CAMTA1: variants seen among roughly 807,000 people sequenced by gnomAD.
CAMTA1 encodes calmodulin binding transcription activator 1, also known as calmodulin-binding transcription activator 1.
Under a neutral mutation model 170.9 loss-of-function variants are expected in CAMTA1, and 27 were observed. That is an observed-to-expected ratio of 0.16 (90% confidence interval 0.12 to 0.22). The LOEUF is 0.22. Among genes scored for constraint, CAMTA1 ranks in the 10% least tolerant of loss-of-function variants. CAMTA1 has a pLI of 1.00. For missense variants in CAMTA1, 1,619 were observed against 2,217.2 expected, an observed-to-expected ratio of 0.73 and a Z score of 5.42; for synonymous variants, 833 against 891.5, an observed-to-expected ratio of 0.93 and a Z score of 1.17.
chr1:7,221,051 C>T (rs1345221118), intron 4 of CAMTA1, among the ~76,000 whole-genome samples: 11 of 152,170 alleles, frequency 7.2e-5, no homozygotes, highest in Admixed American at 7.2e-4. Context: ...GGGCAGCAAG[C>T]ACCGAAGGCC....
chr1:7,596,460 G>C (rs190406557), intron 6 of CAMTA1, among the ~76,000 whole-genome samples: 1 of 152,328 alleles, frequency 6.6e-6, no homozygotes, highest in Admixed American at 6.5e-5. Flanking sequence ...TGTGTGTCCT[G>C]TGCTGGCCGC....
At chr1:6,897,688 C>T (rs1400859198) in intron 3 of CAMTA1, among the ~76,000 whole-genome samples, 1 of 152,118 alleles carries the variant, frequency 6.6e-6, no homozygotes, top group Non-Finnish European at 1.5e-5. Context: ...GTTTGACACA[C>T]ATTCAGTATA....
chr1:7,317,166 G>C (rs1209156572), intron 5 of CAMTA1, among the ~76,000 whole-genome samples: 1 of 152,214 alleles, frequency 6.6e-6, no homozygotes, highest in Non-Finnish European at 1.5e-5. Context: ...CTAGGATGGG[G>C]AAGGGACCAC....
chr1:7,526,981 T>C lies in CAMTA1; in HGVS notation c.510+59080T>C, dbSNP rs530388536. ...AGAAAGCAGCCTTTCCAACAGGGAC[T>C]TTGACTGCTGAGAAGGTCTCTCCAC... On this transcript the variant is annotated intron_variant, in intron 6 of 22. Transcript: ENST00000303635. 3.3e-5 allele frequency among the ~76,000 whole-genome samples: 5 copies of C among 152,314 alleles called. No homozygotes were observed. The South Asian group carries it at 1.0e-3, about 32-fold the overall frequency.
In CAMTA1 at chr1:7,248,687, G is replaced by A. The variant is rs779522716; in HGVS notation, c.303-804G>A. Among the ~76,000 whole-genome samples, 6 of 152,084 alleles carry A rather than the reference G, an allele frequency of 3.9e-5. No individual in the cohort carries two copies. The highest frequency in any genetic ancestry group is 6.5e-5 in the Admixed American group (1 of 15,284). Reference sequence around the variant, plus strand: ...GACCACCGCATCTGCAGATATGCACGTCATCAGCCTCTCCTCTCTGTGGTG... The same window carrying A: ...GACCACCGCATCTGCAGATATGCACATCATCAGCCTCTCCTCTCTGTGGTG... On this transcript the variant is annotated intron_variant, in intron 4 of 22. Transcript: ENST00000303635. The surrounding 1 kb of genome is among the most constrained non-coding windows in gnomAD (Gnocchi z 4.0).
At position 7,670,966 on chromosome 1, in the gene CAMTA1, G is replaced by A; in HGVS notation, c.2708G>A (p.Ser903Asn). The A allele has an allele frequency of 1.2e-6, 2 of 1,613,834 alleles. No homozygotes were observed. The highest frequency in any genetic ancestry group is 1.7e-6 in the Non-Finnish European group (2 of 1,179,978). The change falls in exon 10 of 23, where the codon AGC (serine) becomes AAC (asparagine). Residue 903 changes from serine (S) to asparagine (N), a missense_variant. By Grantham distance (46) the Ser-to-Asn change is conservative (BLOSUM62 1). This residue lies in a region of CAMTA1 where 29 missense variants were observed against 70.9 expected (regional missense o/e 0.41). Transcript: ENST00000303635. ...GPWQEASNNY[S>N]CLFDQISVPA... ...TGGCAAGAAGCCAGCAATAACTACA[G>A]CTGCCTGTTTGACCAGATCTCAGTG... is the stretch of plus-strand genomic sequence containing the variant.
chr1:6,922,558 C>T (rs755292629), intron 3 of CAMTA1, among the ~76,000 whole-genome samples: 6 of 152,172 alleles, frequency 3.9e-5, no homozygotes, highest in Admixed American at 2.6e-4. Context: ...TTCAGCATGA[C>T]GGCTGCAGGA....
chr1:7,677,394 C>T (rs1211474259), intron 10 of CAMTA1, among the ~76,000 whole-genome samples: 1 of 152,202 alleles, frequency 6.6e-6, no homozygotes, highest in East Asian at 1.9e-4. Context: ...CACAGGACAG[C>T]TGGCTGAGTC....
intron 3 of CAMTA1, among the ~76,000 whole-genome samples, chr1:6,979,667 G>A (rs965847837): frequency 6.6e-6 from 1 of 152,180 alleles, no homozygotes; most frequent in Admixed American, 6.5e-5. Flanking sequence ...ACACTTAGAG[G>A]CGTTCTTAGA....
rs781631558 is a variant in CAMTA1, at chr1:7,677,679, G to A, written c.2860G>A (p.Ala954Thr). The change falls in exon 11 of 23, where the codon GCC (alanine) becomes ACC (threonine). Residue 954 changes from alanine to threonine, a missense_variant. Around this residue, in one of 8 missense-constraint regions of CAMTA1, gnomAD observed 143 missense variants for 184.2 expected, o/e 0.78. Transcript: ENST00000303635. ...CAACTCGGTGGTGTTTGAGTACAAA[G>A]CCCGGGCTCTGCCCACGCTCCCTTC... ...ISNSVVFEYK[A>T]RALPTLPSSQ... 6 of 1,614,070 alleles carry A rather than the reference G, an allele frequency of 3.7e-6. No individual in the cohort carries two copies. The East Asian group carries it at 1.3e-4, about 36-fold the overall frequency.
At chr1:7,650,638 G>A (rs545481053) in intron 7 of CAMTA1, among the ~76,000 whole-genome samples, 3 of 152,258 alleles carry the variant, frequency 2.0e-5, no homozygotes, top group Non-Finnish European at 2.9e-5. Flanking sequence ...AGGCTCACTG[G>A]GGACACGGCA....
intron 6 of CAMTA1, among the ~76,000 whole-genome samples, chr1:7,560,487 T>C (rs963105100): frequency 2.6e-5 from 4 of 152,106 alleles, no homozygotes; most frequent in Non-Finnish European, 5.9e-5. Flanking sequence ...AAATGAGCCA[T>C]GTAGAAGATG....
At chr1:7,390,494 C>A (rs1438701954) in intron 5 of CAMTA1, among the ~76,000 whole-genome samples, 1 of 152,224 alleles carries the variant, frequency 6.6e-6, no homozygotes, top group Non-Finnish European at 1.5e-5. Flanking sequence ...CCAGGATTGG[C>A]CCTGCTGCTT....
At position 7,736,616 on chromosome 1, in the gene CAMTA1, G is replaced by A. The variant is rs777556767; in HGVS notation, c.3263+76G>A. On this transcript the variant is annotated intron_variant, in intron 13 of 22. Transcript: ENST00000303635. The surrounding 1 kb of genome is among the most constrained non-coding windows in gnomAD (Gnocchi z 4.5). ...ACATTCTTCCTGAGCACTGCCACCCGTGGAAGAAATCTACCCATTCAGTCC... is the reference window on the plus strand; with the variant it reads ...ACATTCTTCCTGAGCACTGCCACCCATGGAAGAAATCTACCCATTCAGTCC... 8.8e-5 allele frequency: 126 copies of A among 1,425,440 alleles called. No individual in the cohort carries two copies. The highest frequency in any genetic ancestry group is 2.2e-4 in the Middle Eastern group (1 of 4,454). 88.3% of individuals were successfully genotyped at this position (1,425,440 alleles called of 1,614,324 possible).
rs539115799 is a variant in CAMTA1, at chr1:7,307,218, G to A, written c.438+57592G>A. ...TTCCATTTTTGAGCTATTTTAAATG[G>A]CATTTTTTAAGAACTGGTTTTCACT... is the stretch of plus-strand genomic sequence containing the variant. On this transcript the variant is annotated intron_variant, in intron 5 of 22. Coordinates refer to ENST00000303635, the MANE Select transcript of CAMTA1 (RefSeq NM_015215.4). 1.4e-4 allele frequency among the ~76,000 whole-genome samples: 22 copies of A among 151,880 alleles called. No homozygotes were observed. In the South Asian group the frequency reaches 4.6e-3, roughly 32 times the overall value.
At chr1:7,111,915 G>A (rs971752026) in intron 4 of CAMTA1, among the ~76,000 whole-genome samples, 12 of 135,266 alleles carry the variant, frequency 8.9e-5, no homozygotes, top group East Asian at 6.9e-4. Context: ...AAAAAAAACC[G>A]AAGACTGAAC....
At chr1:6,806,924 G>A in intron 1 of CAMTA1, 1 of 433,584 alleles carries the variant, frequency 2.3e-6, no homozygotes, top group African/African-American at 2.0e-5. Flanking sequence ...ATTGGTTATT[G>A]TTATACTTTT....
At chr1:6,833,020 C>T (rs1333966143) in intron 3 of CAMTA1, among the ~76,000 whole-genome samples, 1 of 150,870 alleles carries the variant, frequency 6.6e-6, no homozygotes, top group East Asian at 1.9e-4. Context: ...TGCAGTGCCT[C>T]AGCAGCAGCA....
At chr1:7,154,759 G>C (rs1009076671) in intron 4 of CAMTA1, among the ~76,000 whole-genome samples, 8 of 152,150 alleles carry the variant, frequency 5.3e-5, no homozygotes, top group African/African-American at 1.9e-4. Context: ...ACTGGTCAAG[G>C]GCTTGTGGGC....
Sources: allele counts gnomAD v4.1 joint callset (sites outside exome capture counted in the v4.1 genomes callset), GRCh38; gene constraint gnomAD v4.1.1; regional missense constraint gnomAD v4.1.1; non-coding constraint Gnocchi (gnomAD v3.1); transcripts MANE v1.5; gene names NCBI Gene and HGNC (gene_info 2026-07-23, HGNC 2026-07-21).